The following BBX variants were observed in gnomAD, a reference collection of about 807,000 sequenced individuals.
BBX encodes BBX high mobility group box domain containing, also known as HMG box transcription factor BBX.
BBX carries 30 observed loss-of-function variants against 100.2 expected under a neutral mutation model. That is an observed-to-expected ratio of 0.30 (90% CI 0.22 to 0.41). The LOEUF (loss-of-function observed/expected upper bound fraction) is 0.41, where lower values mean the gene tolerates loss of function less well. Ranked by LOEUF, BBX falls within the 10% of genes least tolerant of loss-of-function variation. The pLI is 1.00. For synonymous variants in BBX, 376 were observed against 388.1 expected (o/e 0.97, Z 0.37); for missense variants, 1,023 against 1,129.8 (o/e 0.91, Z 1.35).
At chr3:107,725,287 A>C (rs1462617238) in intron 5 of BBX, among the ~76,000 whole-genome samples, 2 of 152,180 alleles carry the variant, frequency 1.3e-5, no homozygotes, top group Non-Finnish European at 2.9e-5. Context: ...GAAGTTGCTT[A>C]TCAGCTTAAG....
chr3:107,686,478 G>A (rs2059856003), intron 3 of BBX, among the ~76,000 whole-genome samples: 1 of 151,446 alleles, frequency 6.6e-6, no homozygotes, highest in East Asian at 1.9e-4. Flanking sequence ...AACCTGTGGT[G>A]ATTTTTAAGT....
intron 3 of BBX, among the ~76,000 whole-genome samples, chr3:107,687,079 A>C (rs1177439204): frequency 6.6e-6 from 1 of 152,192 alleles, no homozygotes; most frequent in Non-Finnish European, 1.5e-5. Flanking sequence ...TCTTATTAAA[A>C]TGTTGGAGAA....
chr3:107,602,827 G>T (rs1266222355), intron 2 of BBX, among the ~76,000 whole-genome samples: 2 of 152,204 alleles, frequency 1.3e-5, no homozygotes, highest in Admixed American at 1.3e-4. Context: ...TTTTCAAATG[G>T]AATCTACTTC....
At chr3:107,709,504 T>A (rs1233458596) in intron 3 of BBX, among the ~76,000 whole-genome samples, 1 of 152,234 alleles carries the variant, frequency 6.6e-6, no homozygotes, top group Non-Finnish European at 1.5e-5. Flanking sequence ...GTACTTGTGT[T>A]TGTATTGTCA....
chr3:107,743,813 T>C (rs2064315550), intron 7 of BBX, among the ~76,000 whole-genome samples: 1 of 152,052 alleles, frequency 6.6e-6, no homozygotes, highest in African/African-American at 2.4e-5. Flanking sequence ...TAGAATATTC[T>C]ATTTTTGTTA....
chr3:107,639,582 C>G (rs1385942966), intron 2 of BBX, among the ~76,000 whole-genome samples: 1 of 152,102 alleles, frequency 6.6e-6, no homozygotes, highest in Non-Finnish European at 1.5e-5. Flanking sequence ...TGTGCGATAT[C>G]CCATACCTGA....
chr3:107,580,306 T>A (rs1420728302), intron 2 of BBX, among the ~76,000 whole-genome samples: 1 of 145,082 alleles, frequency 6.9e-6, no homozygotes, highest in African/African-American at 2.7e-5. Flanking sequence ...GTTTCTCTTG[T>A]GTGAGCTTTT....
intron 3 of BBX, among the ~76,000 whole-genome samples, chr3:107,656,688 T>C (rs534336238): frequency 5.3e-5 from 8 of 152,208 alleles, no homozygotes; most frequent in Non-Finnish European, 8.8e-5. Context: ...AAAAATGTTT[T>C]CTTTAAAGAT....
chr3:107,550,961 G>A (rs1189127700), intron 2 of BBX, among the ~76,000 whole-genome samples: 2 of 152,148 alleles, frequency 1.3e-5, no homozygotes, highest in African/African-American at 4.8e-5. Context: ...TTTGCTATAG[G>A]AACTCTTTTT....
At chr3:107,641,283 C>T (rs570374400) in intron 2 of BBX, among the ~76,000 whole-genome samples, 9 of 152,102 alleles carry the variant, frequency 5.9e-5, no homozygotes, top group Non-Finnish European at 1.3e-4. Flanking sequence ...TGGAGTTTCA[C>T]CATGATGCCT....
chr3:107,720,112 A>G lies in BBX; in HGVS notation c.405+3263A>G, dbSNP rs80045171. On this transcript the variant is annotated intron_variant, in intron 5 of 17. Coordinates refer to ENST00000325805, the MANE Select transcript of BBX (RefSeq NM_001142568.3). The stretch of plus-strand genomic sequence containing the variant: ...ATATAAAGTAAGCACCAACCTGTAA[A>G]GTGAGTTATGATTATTCCCATTCTT... 1.9e-3 allele frequency among the ~76,000 whole-genome samples: 282 copies of G among 152,114 alleles called. 2 individuals are homozygous for G. Among genetic ancestry groups the G allele is most frequent in the African/African-American group, 6.6e-3 (275 of 41,552 alleles).
At chr3:107,613,542 C>T (rs1302081762) in intron 2 of BBX, among the ~76,000 whole-genome samples, 1 of 151,472 alleles carries the variant, frequency 6.6e-6, no homozygotes, top group African/African-American at 2.4e-5. Flanking sequence ...AAAACTGTAA[C>T]GTATGACAAA....
chr3:107,540,323 A>G (rs1340053078), intron 2 of BBX, among the ~76,000 whole-genome samples: 1 of 152,260 alleles, frequency 6.6e-6, no homozygotes, highest in Non-Finnish European at 1.5e-5. Context: ...CATATCTTAA[A>G]GCAAAAATTG....
At chr3:107,675,401 A>T (rs2059231201) in intron 3 of BBX, among the ~76,000 whole-genome samples, 1 of 152,172 alleles carries the variant, frequency 6.6e-6, no homozygotes, top group South Asian at 2.1e-4. Context: ...AAGCAGAAGC[A>T]GCTCCTTGTG....
chr3:107,718,455 A>G (rs1389758523), intron 5 of BBX, among the ~76,000 whole-genome samples: 2 of 151,692 alleles, frequency 1.3e-5, no homozygotes, highest in African/African-American at 2.4e-5. Context: ...ATAGCGTAAC[A>G]GTAATTAACA....
At chr3:107,673,179 A>C (rs144303308) in intron 3 of BBX, among the ~76,000 whole-genome samples, 4 of 151,970 alleles carry the variant, frequency 2.6e-5, no homozygotes, top group African/African-American at 9.6e-5. Context: ...AAGAGTTATT[A>C]ATAAGAGTTT....
At chr3:107,589,861 A>G (rs1005006661) in intron 2 of BBX, among the ~76,000 whole-genome samples, 3 of 152,246 alleles carry the variant, frequency 2.0e-5, no homozygotes, top group Non-Finnish European at 4.4e-5. Context: ...AATTTGTTTT[A>G]AAGTGTGATT....
intron 2 of BBX, among the ~76,000 whole-genome samples, chr3:107,630,416 AG>A (rs200096421): frequency 0.011 from 1,609 of 152,154 alleles, 44 homozygotes; most frequent in African/African-American, 0.037. Context: ...GCACGATGCG[AG>A]GGGGGAACTC....
At chr3:107,738,848 C>G (rs945235362) in intron 7 of BBX, among the ~76,000 whole-genome samples, 3 of 152,164 alleles carry the variant, frequency 2.0e-5, no homozygotes, top group African/African-American at 4.8e-5. Context: ...CTCAAGAACC[C>G]TCTGAGGCTG....
Sources: allele counts gnomAD v4.1 joint callset (sites outside exome capture counted in the v4.1 genomes callset), GRCh38; gene constraint gnomAD v4.1.1; transcripts MANE v1.5; gene names NCBI Gene and HGNC (gene_info 2026-07-23, HGNC 2026-07-21).